Variants in GSTA2 observed in about 807,000 individuals in gnomAD.
GSTA2 encodes glutathione S-transferase A2.
GSTA2 carries 27 observed loss-of-function variants against 22.4 expected under a neutral mutation model. The ratio of observed to expected loss-of-function variants is 1.21; its 90% CI spans 0.89 to 1.67. GSTA2 has a LOEUF of 1.67. GSTA2 is among the 40% of genes most tolerant of loss of function. GSTA2 has a pLI of 0.00. For missense variants in GSTA2, 302 were observed against 260.2 expected (o/e 1.16, Z -1.11); for synonymous variants, 121 against 86.8 (o/e 1.39, Z -2.19).
Position 52,757,825 on chromosome 6 carries a change from T to C in GSTA2, c.87+36A>G, listed in dbSNP as rs777437972. On this transcript the variant is annotated intron_variant, in intron 2 of 6. Coordinates refer to ENST00000493422, the MANE Select transcript of GSTA2 (RefSeq NM_000846.5). ...GGAAAAGTATGTGATAACGCAATCG[T>C]AAATCTGACTTAAGATGACCTAACT... The C allele has an allele frequency of 7.1e-6, 11 of 1,557,906 alleles. No homozygotes were observed. The South Asian group carries it at 1.2e-4, about 17-fold the overall frequency.
chr6:52,755,691 C>CAATA (rs1028340741), intron 3 of GSTA2, among the ~76,000 whole-genome samples: 2 of 151,914 alleles, frequency 1.3e-5, no homozygotes, highest in African/African-American at 4.8e-5. Flanking sequence ...GGACAAGTTA[C>CAATA]AATAGTACTG....
chr6:52,762,579 TG>T (rs1762969346), intron 1 of GSTA2, among the ~76,000 whole-genome samples: 1 of 152,216 alleles, frequency 6.6e-6, no homozygotes, highest in Non-Finnish European at 1.5e-5. Context: ...CCTATTGTCC[TG>T]CCACATCCCC....
chr6:52,755,479 G>A (rs1434713149), intron 3 of GSTA2, among the ~76,000 whole-genome samples: 5 of 152,124 alleles, frequency 3.3e-5, no homozygotes, highest in African/African-American at 7.2e-5. Flanking sequence ...CTCCCAAATT[G>A]GGATTACAGG....
chr6:52,751,372 G>T (rs535162053), intron 6 of GSTA2, among the ~76,000 whole-genome samples: 3 of 152,280 alleles, frequency 2.0e-5, no homozygotes, highest in East Asian at 1.9e-4. Flanking sequence ...TCTTTGCGGG[G>T]TAGCATGCAC....
rs532734019 is a variant in GSTA2, at chr6:52,757,373, C to A, written c.87+488G>T. Among the ~76,000 whole-genome samples, 7 of 139,480 alleles carry A rather than the reference C, an allele frequency of 5.0e-5. No individual in the cohort carries two copies. In the Admixed American group the frequency reaches 5.2e-4, roughly 10 times the overall value. 91.5% of individuals were successfully genotyped at this position (139,480 alleles called of 152,430 possible). A position where few individuals can be genotyped will look rare whatever the true frequency, so the allele number is the denominator to read the frequency against. ...TCAATCAAAACCAATATGGTTTCAT[C>A]TATATGCCCACCTACTTCTCCTCTT... On this transcript the variant is annotated intron_variant, in intron 2 of 6. Coordinates refer to ENST00000493422, the MANE Select transcript of GSTA2 (RefSeq NM_000846.5).
chr6:52,753,880 C>A (rs1357811596), intron 4 of GSTA2, among the ~76,000 whole-genome samples: 2 of 152,244 alleles, frequency 1.3e-5, no homozygotes, highest in East Asian at 1.9e-4. Context: ...CATTTTTCTC[C>A]AAGCCCCACT....
chr6:52,756,831 A>G (rs899891133), intron 2 of GSTA2, among the ~76,000 whole-genome samples: 23 of 152,370 alleles, frequency 1.5e-4, no homozygotes, highest in African/African-American at 4.6e-4. Context: ...TCACACTTGC[A>G]ACTGTAATTT....
intron 1 of GSTA2, among the ~76,000 whole-genome samples, chr6:52,759,626 C>A (rs1581776781): frequency 1.1e-5 from 1 of 92,938 alleles, no homozygotes; most frequent in East Asian, 3.3e-4. Context: ...CTGTTTTTGC[C>A]CAGGCTGCAG....
At chr6:52,750,789 G>T in intron 6 of GSTA2, 90 bp from the exon 7 acceptor site, 1 of 1,519,722 alleles carries the variant, frequency 6.6e-7, no homozygotes, top group East Asian at 2.3e-5. Flanking sequence ...AGTCCCTCCT[G>T]CCAAAGACCA....
At chr6:52,761,039 C>G (rs1325669446) in intron 1 of GSTA2, among the ~76,000 whole-genome samples, 2 of 152,106 alleles carry the variant, frequency 1.3e-5, no homozygotes, top group Non-Finnish European at 2.9e-5. Flanking sequence ...TGAGATAAAC[C>G]ATGACTCCTT....
intron 1 of GSTA2, among the ~76,000 whole-genome samples, chr6:52,763,166 C>T (rs1449638275): frequency 1.3e-5 from 2 of 152,094 alleles, no homozygotes; most frequent in East Asian, 1.9e-4. Context: ...GTTTAAAATG[C>T]TACCATTTCT....
intron 2 of GSTA2, among the ~76,000 whole-genome samples, chr6:52,756,983 T>C (rs2144696): frequency 0.49 from 70,145 of 143,796 alleles, 19,791 homozygotes; most frequent in East Asian, 0.7. Flanking sequence ...TTGTGTGTTC[T>C]AGAAGCCTCC....
chr6:52,750,560 C>T lies in GSTA2; in HGVS notation c.*17G>A, dbSNP rs778373899. On this transcript the variant is annotated 3_prime_UTR_variant, in exon 7 of 7. Coordinates refer to ENST00000493422, the MANE Select transcript of GSTA2 (RefSeq NM_000846.5). ...GAATACTGGTCTTGCATGTTCTTGACCTCTATGGCTGGTTTATTAAAACCT... is the reference window on the plus strand; with the variant it reads ...GAATACTGGTCTTGCATGTTCTTGATCTCTATGGCTGGTTTATTAAAACCT... 1 of 1,613,208 alleles carries T rather than the reference C, an allele frequency of 6.2e-7. No individual in the cohort carries two copies. The highest frequency in any genetic ancestry group is 1.7e-5 in the Admixed American group (1 of 59,992).
rs116989456 is a variant in GSTA2, at chr6:52,753,315, C to T, written c.273-320G>A. The stretch of plus-strand genomic sequence containing the variant: ...ATGAGAGAAATTGGTGGAATCACTG[C>T]CAGTACCCACTGATGCTGTGCCAGG... On this transcript the variant is annotated intron_variant, in intron 4 of 6. Transcript: ENST00000493422. Among the ~76,000 whole-genome samples the T allele has an allele frequency of 3.2e-3, 480 of 152,206 alleles. 14 individuals carry two copies. The East Asian group carries it at 0.084, about 27-fold the overall frequency.
Position 52,756,296 on chromosome 6 carries a change from A to G in GSTA2, c.101T>C (p.Phe34Ser), listed in dbSNP as rs1762843866. 1 of 1,603,196 alleles carries G rather than the reference A, an allele frequency of 6.2e-7. No individual in the cohort carries two copies. The highest frequency in any genetic ancestry group is 8.5e-7 in the Non-Finnish European group (1 of 1,170,458). ...AAAGVEFEEK[F>S]IKSAEDLDKL... ...GTCCAAATCTTCTGCAGATTTTATAAATTTCTCTTCAAACTGGAAGCAGAA... is the reference window on the plus strand; with the variant it reads ...GTCCAAATCTTCTGCAGATTTTATAGATTTCTCTTCAAACTGGAAGCAGAA... The change falls in exon 3 of 7, where the codon TTT becomes TCT. Residue 34 changes from phenylalanine to serine, a missense_variant. Transcript: ENST00000493422.
intron 1 of GSTA2, among the ~76,000 whole-genome samples, chr6:52,760,311 A>C (rs59288314): frequency 1.3e-5 from 2 of 152,216 alleles, no homozygotes; most frequent in Admixed American, 6.5e-5. Context: ...ACTCCAGCTG[A>C]TAATTAACAT....
At chr6:52,750,818 G>T in intron 6 of GSTA2, 119 bp from the exon 7 acceptor site, 1 of 1,264,600 alleles carries the variant, frequency 7.9e-7, no homozygotes, top group Non-Finnish European at 1.1e-6. Context: ...GCTTCCACTT[G>T]GGTGAAGGCA....
Position 52,752,876 on chromosome 6 carries a change from C to A in GSTA2, c.392G>T (p.Arg131Leu), listed in dbSNP as rs754993807. Residue 131 changes from arginine (R) to leucine (L), a missense_variant, in exon 5 of 7, where the codon CGC becomes CTC. By Grantham distance (102) the Arg-to-Leu change is moderately radical. Coordinates refer to ENST00000493422, the MANE Select transcript of GSTA2 (RefSeq NM_000846.5). ...LALIQEKTKN[R>L]YFPAFEKVLK... is the part of the protein sequence containing the mutation. ...TACTTTTTCAAAGGCAGGGAAGTAGCGATTTTTTGTTTTCTCTTGGATCAA... is the reference window on the plus strand; with the variant it reads ...TACTTTTTCAAAGGCAGGGAAGTAGAGATTTTTTGTTTTCTCTTGGATCAA... 2 of 1,613,884 alleles carry A rather than the reference C, an allele frequency of 1.2e-6. No homozygotes were observed. Among genetic ancestry groups the A allele is most frequent in the African/African-American group, 1.3e-5 (1 of 75,000 alleles).
rs551801553 is a variant in GSTA2, at chr6:52,760,373, A to G, written c.-30-2396T>C. 7.9e-5 allele frequency among the ~76,000 whole-genome samples: 12 copies of G among 152,322 alleles called. No individual in the cohort carries two copies. The East Asian group carries it at 1.7e-3, about 22-fold the overall frequency. ...AGGGTCAGGCTAAGACTGAGACATA[A>G]GTTACCATTGAGCTTTGTTGGGTCA... On this transcript the variant is annotated intron_variant, in intron 1 of 6. Coordinates refer to ENST00000493422, the MANE Select transcript of GSTA2 (RefSeq NM_000846.5).
Sources: gnomAD v4.1 joint callset for allele counts (sites outside exome capture counted in the v4.1 genomes callset) on GRCh38, gnomAD v4.1.1 for gene constraint, MANE v1.5 for transcripts, NCBI Gene and HGNC (gene_info 2026-07-23, HGNC 2026-07-21) for gene names.